Variants in CPT1A observed in about 807,000 individuals in gnomAD.
CPT1A encodes the protein carnitine O-palmitoyltransferase 1, liver isoform.
A neutral mutation model predicts 100.8 loss-of-function variants in CPT1A; 64 were observed. That is an observed-to-expected ratio of 0.63 (90% confidence interval 0.52 to 0.78). The LOEUF (loss-of-function observed/expected upper bound fraction) is 0.78, where lower values mean the gene tolerates loss of function less well. CPT1A is among the 30% of genes least tolerant of loss of function. The pLI is 0.00. For missense variants in CPT1A, 802 were observed against 1,034.1 expected (o/e 0.78, Z 3.08); for synonymous variants, 363 against 396.0 (o/e 0.92, Z 0.99).
intron 2 of CPT1A, among the ~76,000 whole-genome samples, chr11:68,813,852 A>G (rs1240753602): frequency 6.6e-6 from 1 of 152,090 alleles, no homozygotes; most frequent in Admixed American, 6.6e-5. Context: ...CCTCAGTGAA[A>G]TCTCGGATGT....
intron 12 of CPT1A, among the ~76,000 whole-genome samples, chr11:68,780,236 C>T (rs1447892561): frequency 6.6e-6 from 1 of 152,198 alleles, no homozygotes. Context: ...ATTCTATAAT[C>T]ACGCAAATAT....
At chr11:68,834,715 T>C (rs1043542613) in intron 1 of CPT1A, among the ~76,000 whole-genome samples, 15 of 152,018 alleles carry the variant, frequency 9.9e-5, no homozygotes, top group Non-Finnish European at 1.6e-4. Context: ...CACTCTAGCC[T>C]GGATGACAGA....
At chr11:68,759,153 G>T (rs1946751294) in intron 18 of CPT1A, among the ~76,000 whole-genome samples, 1 of 151,974 alleles carries the variant, frequency 6.6e-6, no homozygotes, top group South Asian at 2.1e-4. Context: ...CAGCACTTTG[G>T]GAGGTCGAGG....
chr11:68,771,504 C>T (rs1231389427), intron 14 of CPT1A, among the ~76,000 whole-genome samples: 3 of 152,154 alleles, frequency 2.0e-5, no homozygotes, highest in Non-Finnish European at 2.9e-5. Flanking sequence ...TATTCCATGT[C>T]ACCTTTTAAT....
chr11:68,814,697 G>A (rs180725875), intron 2 of CPT1A, among the ~76,000 whole-genome samples: 1 of 149,336 alleles, frequency 6.7e-6, no homozygotes, highest in Non-Finnish European at 1.5e-5. Context: ...ATATTTTTTT[G>A]TTTTTTTGAG....
chr11:68,809,366 A>C (rs762175392), intron 3 of CPT1A, among the ~76,000 whole-genome samples: 5 of 152,266 alleles, frequency 3.3e-5, no homozygotes, highest in South Asian at 4.1e-4. Flanking sequence ...AGATTTTTAA[A>C]AGTATAGACA....
At chr11:68,796,773 A>T in intron 7 of CPT1A, 83 bp downstream of exon 7, 1 of 1,348,936 alleles carries the variant, frequency 7.4e-7, no homozygotes, top group Non-Finnish European at 1.0e-6. Context: ...GGCCGTCCAC[A>T]GGCCTGTGAA....
chr11:68,788,833 T>G (rs1201307338), intron 9 of CPT1A, among the ~76,000 whole-genome samples: 1 of 152,086 alleles, frequency 6.6e-6, no homozygotes, highest in African/African-American at 2.4e-5. Flanking sequence ...AAAGGGTATT[T>G]TATAGATTGC....
At chr11:68,842,773 C>T (rs1857186283), upstream of CPT1A, among the ~76,000 whole-genome samples, 1 of 151,764 alleles carries the variant, frequency 6.6e-6, no homozygotes, top group African/African-American at 2.4e-5. Context: ...GAGTCTAGGG[C>T]GAGCGCAGCT....
chr11:68,764,114 G>A (rs140742911), intron 14 of CPT1A, among the ~76,000 whole-genome samples: 1 of 152,310 alleles, frequency 6.6e-6, no homozygotes, highest in Non-Finnish European at 1.5e-5. Context: ...TGCAGCAAGG[G>A]CCCCTGCTGG....
intron 2 of CPT1A, 49 bp from the exon 3 acceptor site, chr11:68,812,625 G>A (rs1470152352): frequency 6.2e-7 from 1 of 1,611,376 alleles, no homozygotes; most frequent in East Asian, 2.2e-5. Context: ...ACAACCCACA[G>A]GGCAATGACG....
Position 68,755,626 on chromosome 11 carries a change from G to C in CPT1A, c.*2018C>G, listed in dbSNP as rs1223048551. On this transcript the variant is annotated 3_prime_UTR_variant, in exon 19 of 19. Coordinates refer to ENST00000265641, the MANE Select transcript of CPT1A (RefSeq NM_001876.4). ...GGGTTTCACCGTGTTAGCCAGGATG[G>C]TCTCCATCTCCTGACCTCGTGATCC... is the stretch of plus-strand genomic sequence containing the variant. 6.7e-6 allele frequency: 1 copy of C among 149,922 alleles called. No homozygotes were observed. Among genetic ancestry groups the C allele is most frequent in the Non-Finnish European group, 1.5e-5 (1 of 67,766 alleles). 9.3% of individuals were successfully genotyped at this position (149,922 alleles called of 1,614,324 possible).
At chr11:68,826,179 C>G (rs1158743978) in intron 1 of CPT1A, among the ~76,000 whole-genome samples, 2 of 152,228 alleles carry the variant, frequency 1.3e-5, no homozygotes, top group Admixed American at 6.5e-5. Context: ...GGCACTGTGG[C>G]TCAGGCCTGT....
At chr11:68,833,077 C>G (rs1041924879) in intron 1 of CPT1A, among the ~76,000 whole-genome samples, 3 of 152,206 alleles carry the variant, frequency 2.0e-5, no homozygotes, top group Non-Finnish European at 4.4e-5. Flanking sequence ...TGCCAGCCTC[C>G]GGGACTGGCT....
Position 68,807,644 on chromosome 11 carries a change from G to A in CPT1A, c.282-6C>T. 5 of 1,613,882 alleles carry A rather than the reference G, an allele frequency of 3.1e-6. No individual in the cohort carries two copies. The highest frequency in any genetic ancestry group is 4.2e-6 in the Non-Finnish European group (5 of 1,180,026). On this transcript the variant is annotated splice_polypyrimidine_tract_variant and splice_region_variant and intron_variant, in intron 3 of 18. Transcript: ENST00000265641. ...TCTGGCTGGACATGCAGTTGCTGTG[G>A]AGACAGACCCAGACAAGGGAGGCTG...
chr11:68,824,794 C>CTTTTTTTTTTT (rs60451933), intron 1 of CPT1A, among the ~76,000 whole-genome samples: 1 of 120,354 alleles, frequency 8.3e-6, no homozygotes, highest in Non-Finnish European at 1.6e-5. Flanking sequence ...GCAATTGTAT[C>CTTTTTTTTTTT]TTTTTTTTTT....
intron 14 of CPT1A, among the ~76,000 whole-genome samples, chr11:68,770,750 A>G (rs972015005): frequency 3.9e-5 from 6 of 152,184 alleles, no homozygotes; most frequent in African/African-American, 1.4e-4. Flanking sequence ...TTCTTTTCCT[A>G]CAGTGCTGGA....
chr11:68,815,626 C>T, intron 1 of CPT1A, 139 bp from the exon 2 acceptor site: 2 of 810,976 alleles, frequency 2.5e-6, no homozygotes, highest in South Asian at 1.6e-5. Context: ...ATCAACAGAC[C>T]AATTCCATCA....
chr11:68,802,733 CAAA>C (rs796208737), intron 5 of CPT1A, among the ~76,000 whole-genome samples: 2 of 136,644 alleles, frequency 1.5e-5, no homozygotes, highest in Non-Finnish European at 3.2e-5. Context: ...GATTCTGTCT[CAAA>C]AAAAAAAAAA....
Sources: allele counts gnomAD v4.1 joint callset (sites outside exome capture counted in the v4.1 genomes callset), GRCh38; gene constraint gnomAD v4.1.1; transcripts MANE v1.5; gene names NCBI Gene and HGNC (gene_info 2026-07-23, HGNC 2026-07-21).